Variants in EVL observed in about 807,000 individuals in gnomAD.
EVL encodes the protein ena/VASP-like protein.
Under a neutral mutation model 59.6 loss-of-function variants are expected in EVL, and 21 were observed. The observed-to-expected ratio is 0.35, with a 90% CI of 0.25 to 0.51. The LOEUF (loss-of-function observed/expected upper bound fraction) is 0.51, where lower values mean the gene tolerates loss of function less well. Ranked by LOEUF, EVL falls within the 20% of genes least tolerant of loss-of-function variation. The probability of loss-of-function intolerance (pLI) is 0.97; values close to 1 mark genes in which losing one functional copy is unlikely to be tolerated. For missense variants in EVL, 462 were observed against 546.6 expected (o/e 0.85, Z 1.54); for synonymous variants, 198 against 203.5 (o/e 0.97, Z 0.23).
intron 3 of EVL, among the ~76,000 whole-genome samples, chr14:100,121,786 G>A (rs1887715733): frequency 6.6e-6 from 1 of 152,180 alleles, no homozygotes; most frequent in South Asian, 2.1e-4. Context: ...TGACAAGGGT[G>A]GAAAACAGTT....
intron 1 of EVL, among the ~76,000 whole-genome samples, chr14:100,084,278 C>T (rs2062385086): frequency 6.6e-6 from 1 of 152,128 alleles, no homozygotes; most frequent in South Asian, 2.1e-4. Context: ...GTCCTGACCT[C>T]AAGTGGACCA....
At chr14:100,106,205 A>G (rs927122615) in intron 3 of EVL, 5 of 152,254 alleles carry the variant, frequency 3.3e-5, no homozygotes, top group African/African-American at 1.2e-4. Flanking sequence ...CAAAACATGC[A>G]GTTGAAAAAC....
intron 1 of EVL, among the ~76,000 whole-genome samples, chr14:100,020,931 C>T (rs185107102): frequency 6.6e-5 from 10 of 152,286 alleles, no homozygotes; most frequent in Admixed American, 5.9e-4. Flanking sequence ...TGGGCCCCTG[C>T]CCTTACAGAG....
intron 1 of EVL, among the ~76,000 whole-genome samples, chr14:100,028,134 G>GTTTTTTTTTTTTT: frequency 8.4e-6 from 1 of 118,734 alleles, no homozygotes; most frequent in Non-Finnish European, 1.7e-5. Flanking sequence ...TTGTTTGTTT[G>GTTTTTTTTTTTTT]TTTTTTTTTT....
chr14:100,009,643 T>C (rs2061003855), intron 1 of EVL, among the ~76,000 whole-genome samples: 1 of 152,254 alleles, frequency 6.6e-6, no homozygotes, highest in Admixed American at 6.5e-5. Flanking sequence ...CGTATTGTTG[T>C]TGATGAAGAG....
chr14:100,049,777 C>G (rs1204690699), intron 1 of EVL, among the ~76,000 whole-genome samples: 1 of 152,112 alleles, frequency 6.6e-6, no homozygotes, highest in East Asian at 1.9e-4. Context: ...TAGATTCTAC[C>G]CATTAGCAGT....
At chr14:100,143,313 T>TC (rs1369742927) in intron 13 of EVL, among the ~76,000 whole-genome samples, 1 of 151,804 alleles carries the variant, frequency 6.6e-6, no homozygotes, top group African/African-American at 2.4e-5. Flanking sequence ...GGGGAAGGGC[T>TC]CCCGGGCCCC....
intron 1 of EVL, among the ~76,000 whole-genome samples, chr14:100,016,821 C>G (rs1785227692): frequency 6.6e-6 from 1 of 152,188 alleles, no homozygotes; most frequent in African/African-American, 2.4e-5. Flanking sequence ...GTCTACCTCT[C>G]ACTTCCTGGA....
chr14:100,100,976 T>A (rs555567393), intron 3 of EVL, among the ~76,000 whole-genome samples: 1 of 152,302 alleles, frequency 6.6e-6, no homozygotes, highest in African/African-American at 2.4e-5. Flanking sequence ...TTTATGTGTA[T>A]GTATACTTTG....
At chr14:100,024,228 C>T (rs1046611966) in intron 1 of EVL, among the ~76,000 whole-genome samples, 1 of 152,176 alleles carries the variant, frequency 6.6e-6, no homozygotes, top group East Asian at 1.9e-4. Context: ...TTTATATCTA[C>T]TCTTGGGAAA....
intron 1 of EVL, among the ~76,000 whole-genome samples, chr14:100,060,227 G>A (rs1009805426): frequency 1.5e-4 from 23 of 151,700 alleles, no homozygotes; most frequent in African/African-American, 5.6e-4. Flanking sequence ...TCAGGAGATC[G>A]AGACCATCCT....
At chr14:100,087,101 TA>T (rs1482699002) in intron 2 of EVL, among the ~76,000 whole-genome samples, 5 of 152,248 alleles carry the variant, frequency 3.3e-5, no homozygotes, top group African/African-American at 1.2e-4. Flanking sequence ...TCTTTATGGT[TA>T]ATGGAGCACT....
Position 100,128,748 on chromosome 14 carries a change from G to A in EVL, c.717G>A (p.Arg239=). Residue 239 remains arginine (R), a splice_region_variant and synonymous_variant, in exon 6 of 14, where the codon CGG becomes CGA. Coordinates refer to ENST00000392920, the MANE Select transcript of EVL (RefSeq NM_016337.3). The part of the protein sequence containing the change: ...IAGAKLRRVQ[R]PEDASGGSSP... The stretch of plus-strand genomic sequence containing the variant: ...GGGCCAAGCTGAGAAGAGTCCAACG[G>A]GTAAGAGCTCCTGTGTGCGGGGTGG... 3 of 1,603,700 alleles carry A rather than the reference G, an allele frequency of 1.9e-6. No individual in the cohort carries two copies. Among genetic ancestry groups the A allele is most frequent in the Non-Finnish European group, 2.5e-6 (3 of 1,179,576 alleles).
chr14:100,023,616 C>T (rs1435383037), intron 1 of EVL, among the ~76,000 whole-genome samples: 2 of 151,744 alleles, frequency 1.3e-5, no homozygotes, highest in Non-Finnish European at 2.9e-5. Flanking sequence ...CATGAGCCAC[C>T]GCACCTAGCC....
exon 1 of EVL, chr14:99,971,820 A>AGGGGCC (rs1004215317): frequency 2.8e-5 from 4 of 142,372 alleles, no homozygotes; most frequent in African/African-American, 1.0e-4. Context: ...CCAAGATGGC[A>AGGGGCC]GGGGCCGGGG....
rs770443520 is a variant in EVL at position 100,144,182 on chromosome 14, T to C, written c.*444T>C. On this transcript the variant is annotated 3_prime_UTR_variant, in exon 14 of 14. Transcript: ENST00000392920. ...CAGCGCTCATGGTGTTGAAACTGTC[T>C]GTCATGCACCACGGTGTCTGTGTCC... The C allele has an allele frequency of 5.9e-5, 11 of 185,688 alleles. No homozygotes were observed. The highest frequency in any genetic ancestry group is 1.0e-4 in the Non-Finnish European group (9 of 88,514). The allele number at this position is 185,688 out of a possible 1,614,324, so 11.5% of individuals were successfully genotyped here.
chr14:100,108,619 T>C lies in EVL; in HGVS notation c.358+10961T>C, dbSNP rs1484613744. ...GCCTCCATGCCAACAGCTACCCAAG[T>C]CGCACCGTCAGTCACACTCTTACTC... is the stretch of plus-strand genomic sequence containing the variant. On this transcript the variant is annotated intron_variant, in intron 3 of 13. Transcript: ENST00000392920. The surrounding 1 kb of genome is among the most constrained non-coding windows in gnomAD (Gnocchi z 4.1). Among the ~76,000 whole-genome samples the C allele has an allele frequency of 2.0e-5, 3 of 152,138 alleles. No individual in the cohort carries two copies. The highest frequency in any genetic ancestry group is 4.4e-5 in the Non-Finnish European group (3 of 68,026).
intron 1 of EVL, among the ~76,000 whole-genome samples, chr14:100,077,890 A>G (rs1374371232): frequency 6.6e-6 from 1 of 152,124 alleles, no homozygotes; most frequent in African/African-American, 2.4e-5. Context: ...CTCCTGCCTC[A>G]GCCTCCGGAG....
chr14:100,072,612 T>C (rs2140281511), intron 1 of EVL, among the ~76,000 whole-genome samples: 1 of 152,348 alleles, frequency 6.6e-6, no homozygotes, highest in Admixed American at 6.5e-5. Flanking sequence ...AATATCCTTA[T>C]ATTAAAGAAA....
Sources: allele counts gnomAD v4.1 joint callset (sites outside exome capture counted in the v4.1 genomes callset), GRCh38; gene constraint gnomAD v4.1.1; non-coding constraint Gnocchi (gnomAD v3.1); transcripts MANE v1.5; gene names NCBI Gene and HGNC (gene_info 2026-07-23, HGNC 2026-07-21).